The following SLC25A37 variants were observed in gnomAD, a reference collection of about 807,000 sequenced individuals.
SLC25A37 encodes solute carrier family 25 member 37.
In SLC25A37, 17 loss-of-function variants were observed where a neutral mutation model predicts 31.0. The ratio of observed to expected loss-of-function variants is 0.55; its 90% CI spans 0.38 to 0.82. The LOEUF (loss-of-function observed/expected upper bound fraction) is 0.82, where lower values mean the gene tolerates loss of function less well. Among genes scored for constraint, SLC25A37 ranks in the 40% least tolerant of loss-of-function variants. The probability of loss-of-function intolerance (pLI) is 0.00; values close to 1 mark genes in which losing one functional copy is unlikely to be tolerated. For synonymous variants in SLC25A37, 222 were observed against 193.0 expected (o/e 1.15, Z -1.24); for missense variants, 404 against 465.8 (o/e 0.87, Z 1.22).
chr8:23,560,685 T>C (rs1802493667), intron 1 of SLC25A37, among the ~76,000 whole-genome samples: 1 of 152,222 alleles, frequency 6.6e-6, no homozygotes, highest in Non-Finnish European at 1.5e-5. Context: ...CTGGGGCTTG[T>C]GTCATTAACT....
At position 23,572,505 on chromosome 8, in the gene SLC25A37, A is replaced by T. The variant is rs1323264271; in HGVS notation, c.*650A>T. 2 of 152,564 alleles carry T rather than the reference A, an allele frequency of 1.3e-5. No individual in the cohort carries two copies. Among genetic ancestry groups the T allele is most frequent in the African/African-American group, 4.8e-5 (2 of 41,424 alleles). The allele number at this position is 152,564 out of a possible 1,614,324, so 9.5% of individuals were successfully genotyped here. ...CGGCAGCTGTGTTTAGCCCCTCCAG[A>T]TGGAAGTTTCACTTGAATGTAAAAT... On this transcript the variant is annotated 3_prime_UTR_variant, in exon 4 of 4. Transcript: ENST00000519973.
At chr8:23,546,554 GTGTATA>G (rs1802057926) in intron 1 of SLC25A37, among the ~76,000 whole-genome samples, 7 of 5,992 alleles carry the variant, frequency 1.2e-3, no homozygotes, top group Admixed American at 3.3e-3. Context: ...TATATATATA[GTGTATA>G]TATATATATA....
chr8:23,570,002 A>G (rs993916607), intron 3 of SLC25A37, among the ~76,000 whole-genome samples: 14 of 151,954 alleles, frequency 9.2e-5, no homozygotes, highest in South Asian at 4.1e-4. Context: ...GAAGCTATTA[A>G]ATTTGTTCTC....
At chr8:23,531,803 T>A (rs910757621) in intron 1 of SLC25A37, 8 of 152,202 alleles carry the variant, frequency 5.3e-5, no homozygotes, top group African/African-American at 1.4e-4. Context: ...AATATTAAAT[T>A]TGCTTCTTCG....
intron 1 of SLC25A37, among the ~76,000 whole-genome samples, chr8:23,535,074 C>T (rs1801738748): frequency 6.6e-6 from 1 of 152,194 alleles, no homozygotes; most frequent in Non-Finnish European, 1.5e-5. Context: ...TTCCTGAGAT[C>T]TTAAATCCAG....
chr8:23,540,542 A>G (rs1007632501), intron 1 of SLC25A37, among the ~76,000 whole-genome samples: 1 of 152,206 alleles, frequency 6.6e-6, no homozygotes, highest in Non-Finnish European at 1.5e-5. Flanking sequence ...AAGGATGATG[A>G]CATATGGTTA....
At chr8:23,540,802 A>G (rs1801873909) in intron 1 of SLC25A37, among the ~76,000 whole-genome samples, 1 of 152,204 alleles carries the variant, frequency 6.6e-6, no homozygotes, top group African/African-American at 2.4e-5. Context: ...AGGAGGGGTA[A>G]CGGTGCCCAT....
rs567889036 is a variant in SLC25A37, at chr8:23,557,489, C to A, written c.211-8619C>A. Among the ~76,000 whole-genome samples, 3 of 152,304 alleles carry A rather than the reference C, an allele frequency of 2.0e-5. No homozygotes were observed. In the East Asian group the frequency reaches 5.8e-4, roughly 29 times the overall value. On this transcript the variant is annotated intron_variant, in intron 1 of 3. Coordinates refer to ENST00000519973, the MANE Select transcript of SLC25A37 (RefSeq NM_016612.4). ...TAAAGCGTGGTGCCAAATGCTTTTC[C>A]TCCTGGGCCTCCTGCTGTGATTTGT...
chr8:23,566,401 G>A (rs760826048), intron 2 of SLC25A37, 65 bp downstream of exon 2: 2 of 1,538,570 alleles, frequency 1.3e-6, no homozygotes, highest in Non-Finnish European at 1.7e-6. Context: ...TCCCCAGGGT[G>A]TTCCTCCCTG....
intron 1 of SLC25A37, among the ~76,000 whole-genome samples, chr8:23,547,818 G>C (rs1802108209): frequency 6.6e-6 from 1 of 152,172 alleles, no homozygotes; most frequent in Non-Finnish European, 1.5e-5. Flanking sequence ...ATCCATCCGG[G>C]CAATTACAGA....
intron 1 of SLC25A37, among the ~76,000 whole-genome samples, chr8:23,551,920 C>T (rs1423125907): frequency 6.6e-6 from 1 of 152,186 alleles, no homozygotes; most frequent in African/African-American, 2.4e-5. Flanking sequence ...CCTTGTGATG[C>T]TGCAGGGACT....
intron 1 of SLC25A37, among the ~76,000 whole-genome samples, chr8:23,535,823 A>G (rs1161664298): frequency 3.3e-5 from 5 of 152,148 alleles, no homozygotes; most frequent in African/African-American, 7.2e-5. Flanking sequence ...ATATAAAATC[A>G]TCAGATCTCG....
chr8:23,539,523 G>A (rs1801847381), intron 1 of SLC25A37, among the ~76,000 whole-genome samples: 1 of 152,232 alleles, frequency 6.6e-6, no homozygotes, highest in African/African-American at 2.4e-5. Flanking sequence ...TCAGACTTAT[G>A]CTGGTGTTGA....
At chr8:23,547,353 A>T (rs1802095889) in intron 1 of SLC25A37, among the ~76,000 whole-genome samples, 3 of 152,234 alleles carry the variant, frequency 2.0e-5, no homozygotes, top group African/African-American at 7.2e-5. Context: ...CTGTAGATAC[A>T]CACATATAAG....
chr8:23,557,566 G>C (rs1390288894), intron 1 of SLC25A37, among the ~76,000 whole-genome samples: 1 of 152,156 alleles, frequency 6.6e-6, no homozygotes, highest in Non-Finnish European at 1.5e-5. Context: ...TCCTTGGTCT[G>C]ATCCTTTCTG....
chr8:23,571,307 C>G (rs1206309650), intron 3 of SLC25A37, 28 bp from the exon 4 acceptor site: 1 of 1,514,154 alleles, frequency 6.6e-7, no homozygotes, highest in Non-Finnish European at 8.9e-7. Context: ...GGCTGTCCGT[C>G]TGGCCTGCCC....
chr8:23,538,580 C>G (rs1585445239), intron 1 of SLC25A37, among the ~76,000 whole-genome samples: 1 of 151,046 alleles, frequency 6.6e-6, no homozygotes, highest in Admixed American at 6.6e-5. Flanking sequence ...CAAGCAGCAG[C>G]TATACCCCGA....
intron 1 of SLC25A37, among the ~76,000 whole-genome samples, chr8:23,556,420 C>T (rs1019044290): frequency 1.3e-5 from 2 of 151,868 alleles, no homozygotes; most frequent in South Asian, 4.2e-4. Flanking sequence ...GAGATGGGGT[C>T]TTGCTATGTT....
rs115312637 is a variant in SLC25A37 at position 23,545,547 on chromosome 8, T to G, written c.210+16335T>G. ...GCACAGACCTGCTGTCCTCTCTATT[T>G]GTGTGTCCACTGATTCCCTGGCACA... On this transcript the variant is annotated intron_variant, in intron 1 of 3. Coordinates refer to ENST00000519973, the MANE Select transcript of SLC25A37 (RefSeq NM_016612.4). 3.4e-3 allele frequency among the ~76,000 whole-genome samples: 515 copies of G among 152,344 alleles called. 4 individuals are homozygous for G. Among genetic ancestry groups the G allele is most frequent in the African/African-American group, 0.012 (492 of 41,592 alleles).
Sources: allele counts gnomAD v4.1 joint callset (sites outside exome capture counted in the v4.1 genomes callset), GRCh38; gene constraint gnomAD v4.1.1; transcripts MANE v1.5; gene names NCBI Gene and HGNC (gene_info 2026-07-23, HGNC 2026-07-21).